The following HDGF variants were observed in gnomAD, a reference collection of about 807,000 sequenced individuals.
The protein encoded by HDGF is heparin binding growth factor, also known as hepatoma-derived growth factor.
Under a neutral mutation model 30.0 loss-of-function variants are expected in HDGF, and 5 were observed. The ratio of observed to expected loss-of-function variants is 0.17; its 90% CI spans 0.09 to 0.35. The LOEUF is 0.35. HDGF is among the 10% of genes least tolerant of loss of function. The probability of loss-of-function intolerance (pLI) is 1.00; values close to 1 mark genes in which losing one functional copy is unlikely to be tolerated. For missense variants in HDGF, 214 were observed against 302.8 expected (o/e 0.71, Z 2.18); for synonymous variants, 133 against 112.7 (o/e 1.18, Z -1.14).
intron 1 of HDGF, among the ~76,000 whole-genome samples, chr1:156,759,564 C>T (rs1013315888): frequency 1.3e-5 from 2 of 149,822 alleles, no homozygotes; most frequent in Non-Finnish European, 3.0e-5. Context: ...TCACTGCAAC[C>T]TCCGCCTCCC....
chr1:156,749,146 C>G (rs1390259625), intron 1 of HDGF, among the ~76,000 whole-genome samples: 1 of 152,194 alleles, frequency 6.6e-6, no homozygotes, highest in Admixed American at 6.5e-5. Context: ...TGGCTGGGCT[C>G]TCTCTCAAGC....
intron 1 of HDGF, among the ~76,000 whole-genome samples, chr1:156,763,743 G>A (rs976129243): frequency 7.9e-5 from 12 of 151,456 alleles, no homozygotes; most frequent in African/African-American, 2.2e-4. Flanking sequence ...ACGCCACCAC[G>A]CCCAGCTAAC....
intron 1 of HDGF, among the ~76,000 whole-genome samples, chr1:156,749,942 A>G (rs1326802444): frequency 1.3e-5 from 2 of 152,170 alleles, no homozygotes. Context: ...GGTGCAGGGT[A>G]AAGTACAGGA....
intron 1 of HDGF, chr1:156,750,480 G>C (rs547785735): frequency 4.6e-5 from 7 of 152,448 alleles, no homozygotes; most frequent in Non-Finnish European, 8.8e-5. Context: ...GGGGTTGTGG[G>C]GGGGGCTCAT....
chr1:156,743,550 G>T, intron 5 of HDGF, 95 bp from the exon 6 acceptor site: 1 of 1,574,296 alleles, frequency 6.4e-7, no homozygotes, highest in Non-Finnish European at 8.7e-7. Context: ...AGCCCACCCT[G>T]CCTCCCGAGA....
In HDGF at chr1:156,751,531, C is replaced by CGGCCCCCGCCTCGATGGT; in HGVS notation, c.-120_-103dup. On this transcript the variant is annotated 5_prime_UTR_variant, in exon 1 of 6. Transcript: ENST00000357325. This position sits in a 1 kb window ranked among gnomAD's most constrained non-coding sequence, Gnocchi z 4.7. ...GCGCCGCTCCGCTCCGGCCCTCGCG[C>CGGCCCCCGCCTCGATGGT]GGCCCCCGCCTCGATGGTGGCCCCC... 1.9e-6 allele frequency: 2 copies of CGGCCCCCGCCTCGATGGT among 1,038,008 alleles called. No individual in the cohort carries two copies. Among genetic ancestry groups the CGGCCCCCGCCTCGATGGT allele is most frequent in the Non-Finnish European group, 2.3e-6 (2 of 861,754 alleles). 64.3% of individuals were successfully genotyped at this position (1,038,008 alleles called of 1,614,324 possible). A position where few individuals can be genotyped will look rare whatever the true frequency, so the allele number is the denominator to read the frequency against.
chr1:156,766,399 T>C (rs552163187), intron 1 of HDGF, among the ~76,000 whole-genome samples: 1 of 152,260 alleles, frequency 6.6e-6, no homozygotes, highest in Non-Finnish European at 1.5e-5. Context: ...TGAATTAGCA[T>C]GTAAAGGACA....
chr1:156,746,173 T>C (rs1318629839), intron 1 of HDGF, among the ~76,000 whole-genome samples: 2 of 152,260 alleles, frequency 1.3e-5, no homozygotes, highest in Admixed American at 6.5e-5. Context: ...ACTTCCCCTT[T>C]ACAGTGCTTT....
chr1:156,746,262 C>A (rs1650536493), intron 1 of HDGF, among the ~76,000 whole-genome samples: 1 of 152,170 alleles, frequency 6.6e-6, no homozygotes. Flanking sequence ...GCCCCAAGGT[C>A]AGAGACCAGC....
chr1:156,752,133 G>A, upstream of HDGF: 3 of 1,551,434 alleles, frequency 1.9e-6, no homozygotes, highest in South Asian at 1.2e-5. Context: ...CTGGGCACCC[G>A]CGGTTCTTGG....
chr1:156,758,844 A>C (rs1268389563), intron 2 of HDGF: 1 of 152,286 alleles, frequency 6.6e-6, no homozygotes. Flanking sequence ...CCATAAAAGG[A>C]TTTGTCCAGG....
rs1323501484 is a variant in HDGF, at chr1:156,751,159, C to T, written c.87+184G>A. ...CGTGCCCGCCAGGTGTCTACCCCCA[C>T]CCCCGCCCGCCTCCACCATTATATA... On this transcript the variant is annotated intron_variant, in intron 1 of 5. Transcript: ENST00000357325. This position sits in a 1 kb window ranked among gnomAD's most constrained non-coding sequence, Gnocchi z 4.7. Among the ~76,000 whole-genome samples, 2 of 151,958 alleles carry T rather than the reference C, an allele frequency of 1.3e-5. No individual in the cohort carries two copies. The highest frequency in any genetic ancestry group is 3.9e-4 in the East Asian group (2 of 5,166).
Position 156,751,222 on chromosome 1 carries a change from G to A in HDGF, c.87+121C>T. Reference sequence around the variant, plus strand: ...GCTTGGAAGCGACAGAGAAAGAGCCGGAGACCTACAAGCCCCCTGCCCCCA... The same window carrying A: ...GCTTGGAAGCGACAGAGAAAGAGCCAGAGACCTACAAGCCCCCTGCCCCCA... On this transcript the variant is annotated intron_variant, in intron 1 of 5. Transcript: ENST00000357325. This position sits in a 1 kb window ranked among gnomAD's most constrained non-coding sequence, Gnocchi z 4.7. 3.2e-6 allele frequency: 4 copies of A among 1,246,898 alleles called. No individual in the cohort carries two copies. The highest frequency in any genetic ancestry group is 4.1e-6 in the Non-Finnish European group (4 of 964,026). The allele number at this position is 1,246,898 out of a possible 1,614,324, so 77.2% of individuals were successfully genotyped here.
Position 156,744,256 on chromosome 1 carries a change from G to A in HDGF, c.396C>T (p.Ser132=). Residue 132 remains serine (S), a synonymous_variant, in exon 4 of 6, where the codon AGC becomes AGT. Coordinates refer to ENST00000357325, the MANE Select transcript of HDGF (RefSeq NM_004494.3). ...DGDKKGNAEG[S]SDEEGKLVID... ...TGACCAGCTTCCCTTCCTCGTCGCTGCTGCCCTCTGCATTCCCCTTCTTAT... is the reference window on the plus strand; with the variant it reads ...TGACCAGCTTCCCTTCCTCGTCGCTACTGCCCTCTGCATTCCCCTTCTTAT... The A allele has an allele frequency of 6.2e-7, 1 of 1,614,096 alleles. No homozygotes were observed. The highest frequency in any genetic ancestry group is 8.5e-7 in the Non-Finnish European group (1 of 1,180,020).
chr1:156,764,075 TTC>T (rs1401379610), intron 1 of HDGF, among the ~76,000 whole-genome samples: 1 of 73,234 alleles, frequency 1.4e-5, no homozygotes, highest in Non-Finnish European at 2.7e-5. Flanking sequence ...CCGGCTTTTT[TTC>T]TGTTTTTGTT....
At chr1:156,753,552 T>G (rs1194550274), upstream of HDGF, among the ~76,000 whole-genome samples, 1 of 152,204 alleles carries the variant, frequency 6.6e-6, no homozygotes, top group Non-Finnish European at 1.5e-5. Context: ...GGTCATATTT[T>G]ATTCTATCTA....
chr1:156,750,380 C>T (rs554865219), intron 1 of HDGF, among the ~76,000 whole-genome samples: 1 of 152,274 alleles, frequency 6.6e-6, no homozygotes, highest in East Asian at 1.9e-4. Flanking sequence ...TCCCATCCTC[C>T]TTACTTAACC....
chr1:156,752,009 C>A (rs1377586400), upstream of HDGF: 1 of 1,546,596 alleles, frequency 6.5e-7, no homozygotes, highest in Admixed American at 2.0e-5. Flanking sequence ...GCGGCCCCCG[C>A]CCTTCCCCCG....
At position 156,759,373 on chromosome 1, in the gene HDGF, T is replaced by G. The variant is rs189700584; in HGVS notation, n.137-154A>C. On this transcript the variant is annotated intron_variant and non_coding_transcript_variant, in intron 1 of 7. Coordinates refer to the HDGF transcript ENST00000465180. ...TCAAGCAAATGCAGAGATAACTATT[T>G]CCTTTACACAAATTGTGACACACCG... Among the ~76,000 whole-genome samples the G allele has an allele frequency of 3.4e-3, 518 of 152,290 alleles. 14 individuals carry two copies. The highest frequency in any genetic ancestry group is 0.031 in the Admixed American group (470 of 15,284).
Sources: allele counts gnomAD v4.1 joint callset (sites outside exome capture counted in the v4.1 genomes callset), GRCh38; gene constraint gnomAD v4.1.1; non-coding constraint Gnocchi (gnomAD v3.1); transcripts MANE v1.5; gene names NCBI Gene and HGNC (gene_info 2026-07-23, HGNC 2026-07-21).